MYZAP: variants seen among roughly 807,000 people sequenced by gnomAD.
The protein encoded by MYZAP is myocardial zonula adherens protein.
Under a neutral mutation model 69.4 loss-of-function variants are expected in MYZAP, and 66 were observed. That is an observed-to-expected ratio of 0.95 (90% CI 0.78 to 1.17). MYZAP has a LOEUF of 1.17. MYZAP is among the 50% of genes most tolerant of loss of function. The probability of loss-of-function intolerance (pLI) is 0.00; values close to 1 mark genes in which losing one functional copy is unlikely to be tolerated. For synonymous variants in MYZAP, 256 were observed against 205.9 expected (o/e 1.24, Z -2.09); for missense variants, 611 against 556.2 (o/e 1.10, Z -0.99).
At chr15:57,615,577 A>G (rs1268355086) in intron 2 of MYZAP, among the ~76,000 whole-genome samples, 4 of 152,316 alleles carry the variant, frequency 2.6e-5, no homozygotes, top group Non-Finnish European at 4.4e-5. Flanking sequence ...TTGTGTTGTC[A>G]TTGGCTTGTT....
intron 12 of MYZAP, among the ~76,000 whole-genome samples, chr15:57,676,300 A>C (rs1197188202): frequency 6.6e-6 from 1 of 151,712 alleles, no homozygotes; most frequent in Admixed American, 6.6e-5. Context: ...CAAAAGCGGC[A>C]TTAGGTTCTT....
intron 11 of MYZAP, among the ~76,000 whole-genome samples, chr15:57,672,922 A>AT (rs2038935970): frequency 6.6e-6 from 1 of 151,884 alleles, no homozygotes; most frequent in Admixed American, 6.6e-5. Context: ...TACTTAGCAC[A>AT]TCGTTCTATT....
chr15:57,593,190 A>ATGCGCGCGCG (rs376306761), intron 1 of MYZAP, among the ~76,000 whole-genome samples: 54 of 108,300 alleles, frequency 5.0e-4, no homozygotes, highest in South Asian at 1.6e-3. Flanking sequence ...ACACAGGCGC[A>ATGCGCGCGCG]CACACACACA....
chr15:57,655,357 A>G (rs1414873938), intron 10 of MYZAP, among the ~76,000 whole-genome samples: 1 of 152,180 alleles, frequency 6.6e-6, no homozygotes, highest in Non-Finnish European at 1.5e-5. Flanking sequence ...CAGGATGGGC[A>G]TGAAATGAAA....
intron 10 of MYZAP, among the ~76,000 whole-genome samples, chr15:57,651,987 A>G (rs1160161888): frequency 3.9e-5 from 6 of 152,168 alleles, no homozygotes; most frequent in Admixed American, 3.3e-4. Context: ...GTTGCAACCG[A>G]TCCTTTTGAA....
At chr15:57,671,201 C>T (rs1347621282) in intron 11 of MYZAP, among the ~76,000 whole-genome samples, 1 of 151,982 alleles carries the variant, frequency 6.6e-6, no homozygotes, top group East Asian at 1.9e-4. Context: ...AGATATAGAG[C>T]TCTAAGTTGC....
chr15:57,646,032 A>G, intron 10 of MYZAP: 3 of 573,316 alleles, frequency 5.2e-6, no homozygotes, highest in South Asian at 4.9e-5. Flanking sequence ...TGTTTAGAGG[A>G]TTTCAAGTAC....
Position 57,621,540 on chromosome 15 carries a change from A to G in MYZAP, c.319-68A>G, listed in dbSNP as rs1233986856. ...GTCCTTCTTTCTTTAGAGTTTCTTAAAAGTTTTAGAAATCTTGTATGAAAA... is the reference window on the plus strand; with the variant it reads ...GTCCTTCTTTCTTTAGAGTTTCTTAGAAGTTTTAGAAATCTTGTATGAAAA... On this transcript the variant is annotated intron_variant, in intron 3 of 12. Transcript: ENST00000267853. 3.2e-6 allele frequency: 5 copies of G among 1,564,084 alleles called. No homozygotes were observed. In the African/African-American group the frequency reaches 4.1e-5, roughly 13 times the overall value.
chr15:57,633,852 A>G, intron 8 of MYZAP, 111 bp downstream of exon 8: 1 of 1,251,190 alleles, frequency 8.0e-7, no homozygotes, highest in Non-Finnish European at 1.0e-6. Context: ...AAAATTTGCA[A>G]TTAAAAAAAA....
At chr15:57,604,410 C>G in intron 2 of MYZAP, 55 bp downstream of exon 2, 2 of 1,594,246 alleles carry the variant, frequency 1.3e-6, no homozygotes, top group Non-Finnish European at 1.7e-6. Flanking sequence ...TACCCTTAAC[C>G]CACTCTCCCA....
chr15:57,644,611 A>G (rs1021777376), intron 10 of MYZAP, among the ~76,000 whole-genome samples: 5 of 151,766 alleles, frequency 3.3e-5, no homozygotes, highest in Non-Finnish European at 4.4e-5. Context: ...TGCCCAGCTA[A>G]TTTTTGTATT....
chr15:57,654,044 GA>G (rs2037873114), intron 10 of MYZAP, among the ~76,000 whole-genome samples: 2 of 926 alleles, frequency 2.2e-3, no homozygotes, highest in South Asian at 0.17. Flanking sequence ...TCCCTATTTA[GA>G]GGTTAGAGGT....
chr15:57,664,068 T>C (rs1212423204), intron 11 of MYZAP, among the ~76,000 whole-genome samples: 1 of 128,260 alleles, frequency 7.8e-6, no homozygotes, highest in South Asian at 2.2e-4. Flanking sequence ...GTTTCTGTTC[T>C]TGTTTTTTTT....
intron 10 of MYZAP, chr15:57,648,389 G>A: frequency 1.0e-6 from 1 of 985,400 alleles, no homozygotes; most frequent in Non-Finnish European, 1.2e-6. Flanking sequence ...CTGGTGCCCA[G>A]TTTCTGGCCA....
At chr15:57,602,486 T>A (rs754458171) in intron 1 of MYZAP, among the ~76,000 whole-genome samples, 1 of 152,220 alleles carries the variant, frequency 6.6e-6, no homozygotes, top group South Asian at 2.1e-4. Context: ...GCCACACTTA[T>A]GATCTCATTT....
chr15:57,593,905 G>A lies in MYZAP; in HGVS notation c.75+1796G>A, dbSNP rs144637925. 5.3e-3 allele frequency among the ~76,000 whole-genome samples: 801 copies of A among 152,306 alleles called. 10 individuals are homozygous for A. Among genetic ancestry groups the A allele is most frequent in the African/African-American group, 0.018 (757 of 41,560 alleles). On this transcript the variant is annotated intron_variant, in intron 1 of 12. Transcript: ENST00000267853. ...TTGTGTGTGTGGTGGGAAGCTGTGAGATGTTGATTAATTGATTTATTGAAC... is the reference window on the plus strand; with the variant it reads ...TTGTGTGTGTGGTGGGAAGCTGTGAAATGTTGATTAATTGATTTATTGAAC...
intron 10 of MYZAP, among the ~76,000 whole-genome samples, chr15:57,650,335 G>T (rs2037666305): frequency 6.6e-6 from 1 of 152,168 alleles, no homozygotes; most frequent in Non-Finnish European, 1.5e-5. Context: ...TTATGGGACA[G>T]TTGGTACACG....
intron 11 of MYZAP, among the ~76,000 whole-genome samples, chr15:57,667,506 C>A (rs2038637700): frequency 6.6e-6 from 1 of 152,132 alleles, no homozygotes; most frequent in African/African-American, 2.4e-5. Flanking sequence ...CAGAAGCAAT[C>A]TTTTTTGTAG....
At chr15:57,652,039 GA>G (rs1275782964) in intron 10 of MYZAP, among the ~76,000 whole-genome samples, 1 of 152,020 alleles carries the variant, frequency 6.6e-6, no homozygotes, top group African/African-American at 2.4e-5. Context: ...AACTTAATAG[GA>G]AAAAATTGAT....
Sources: gnomAD v4.1 joint callset for allele counts (sites outside exome capture counted in the v4.1 genomes callset) on GRCh38, gnomAD v4.1.1 for gene constraint, MANE v1.5 for transcripts, NCBI Gene and HGNC (gene_info 2026-07-23, HGNC 2026-07-21) for gene names.